The following TBC1D22A variants were observed in gnomAD, a reference collection of about 807,000 sequenced individuals.
The protein encoded by TBC1D22A is TBC1 domain family member 22A, also known as putative GTPase activator.
TBC1D22A carries 38 observed loss-of-function variants against 60.2 expected under a neutral mutation model. That is an observed-to-expected ratio of 0.63 (90% CI 0.49 to 0.83). TBC1D22A has a LOEUF of 0.83. Among genes scored for constraint, TBC1D22A ranks in the 40% least tolerant of loss-of-function variants. The probability of loss-of-function intolerance (pLI) is 0.00; values close to 1 mark genes in which losing one functional copy is unlikely to be tolerated. For missense variants in TBC1D22A, 628 were observed against 701.0 expected (o/e 0.90, Z 1.18); for synonymous variants, 302 against 281.7 (o/e 1.07, Z -0.72).
At chr22:47,129,106 C>T (rs147148182) in intron 12 of TBC1D22A, among the ~76,000 whole-genome samples, 104 of 152,240 alleles carry the variant, frequency 6.8e-4, no homozygotes, top group African/African-American at 2.4e-3. Context: ...GTTACTAGGT[C>T]CTGTCACTGA....
Position 47,124,119 on chromosome 22 carries a change from A to T in TBC1D22A, c.1425+12516A>T, listed in dbSNP as rs532815003. On this transcript the variant is annotated intron_variant, in intron 12 of 12. Transcript: ENST00000337137. ...GTCCTTGTGTGGGAGCGGCAGAGAGAGAAGGGGACTCTTGGGTCAGCGGGG... is the reference window on the plus strand; with the variant it reads ...GTCCTTGTGTGGGAGCGGCAGAGAGTGAAGGGGACTCTTGGGTCAGCGGGG... Among the ~76,000 whole-genome samples, 10 of 152,122 alleles carry T rather than the reference A, an allele frequency of 6.6e-5. No individual in the cohort carries two copies. In the South Asian group the frequency reaches 2.1e-3, roughly 32 times the overall value.
At chr22:47,066,650 A>C (rs973820779) in intron 11 of TBC1D22A, among the ~76,000 whole-genome samples, 2 of 152,204 alleles carry the variant, frequency 1.3e-5, no homozygotes, top group African/African-American at 2.4e-5. Flanking sequence ...TCTGTCCCAC[A>C]GTTCCCTGTA....
At chr22:47,112,849 C>T (rs891899505) in intron 12 of TBC1D22A, among the ~76,000 whole-genome samples, 10 of 152,212 alleles carry the variant, frequency 6.6e-5, no homozygotes, top group Non-Finnish European at 1.3e-4. Flanking sequence ...GTAGGGTGCA[C>T]CTGGCCTGCC....
intron 9 of TBC1D22A, among the ~76,000 whole-genome samples, chr22:46,985,597 T>A (rs6009082): frequency 0.019 from 2,967 of 152,318 alleles, 83 homozygotes; most frequent in African/African-American, 0.06. Flanking sequence ...AATAGTTGAT[T>A]CCTTTTAATT....
intron 4 of TBC1D22A, among the ~76,000 whole-genome samples, chr22:46,828,811 T>G (rs951699242): frequency 6.6e-6 from 1 of 152,226 alleles, no homozygotes. Flanking sequence ...GCTCTTCAGG[T>G]GAGCTGTGCA....
intron 1 of TBC1D22A, among the ~76,000 whole-genome samples, chr22:46,767,048 G>C (rs1253825755): frequency 1.3e-5 from 2 of 152,206 alleles, no homozygotes; most frequent in Non-Finnish European, 2.9e-5. Context: ...TTAGCCTGGA[G>C]AGTGAGTGGT....
intron 12 of TBC1D22A, among the ~76,000 whole-genome samples, chr22:47,166,439 A>G (rs1441762026): frequency 6.6e-6 from 1 of 152,240 alleles, no homozygotes; most frequent in Non-Finnish European, 1.5e-5. Flanking sequence ...TAAAAATTAT[A>G]AAAGAAATAG....
chr22:47,079,909 T>C (rs4823906), intron 11 of TBC1D22A, among the ~76,000 whole-genome samples: 66,599 of 152,050 alleles, frequency 0.44, 14,952 homozygotes, highest in East Asian at 0.59. Context: ...TGTAATAACA[T>C]GGATAGAAAA....
chr22:46,864,274 G>A (rs2066947672), intron 4 of TBC1D22A, among the ~76,000 whole-genome samples: 1 of 152,196 alleles, frequency 6.6e-6, no homozygotes, highest in Non-Finnish European at 1.5e-5. Context: ...AAGCTGCCAG[G>A]CAACAAGCAT....
intron 11 of TBC1D22A, among the ~76,000 whole-genome samples, chr22:47,049,295 A>G (rs2063131316): frequency 6.6e-6 from 1 of 152,164 alleles, no homozygotes; most frequent in Admixed American, 6.5e-5. Flanking sequence ...ACCTCTTGGT[A>G]CTTAATGGTT....
intron 11 of TBC1D22A, among the ~76,000 whole-genome samples, chr22:47,085,493 C>T (rs886126781): frequency 1.3e-5 from 2 of 151,986 alleles, no homozygotes; most frequent in Non-Finnish European, 2.9e-5. Context: ...TATTATTAGG[C>T]ATGGAAGGAT....
intron 10 of TBC1D22A, among the ~76,000 whole-genome samples, chr22:47,017,168 G>T (rs753108334): frequency 6.6e-6 from 1 of 152,176 alleles, no homozygotes; most frequent in Non-Finnish European, 1.5e-5. Context: ...TCCCAAGCTT[G>T]GTGCGGGAGA....
chr22:46,788,637 C>T (rs1393081197), intron 1 of TBC1D22A, among the ~76,000 whole-genome samples: 1 of 152,196 alleles, frequency 6.6e-6, no homozygotes. Flanking sequence ...CAGTGCCTGC[C>T]TCGTAGGTCC....
At position 46,997,653 on chromosome 22, in the gene TBC1D22A, A is replaced by G; in HGVS notation, c.1145A>G (p.Gln382Arg). 6.2e-7 allele frequency: 1 copy of G among 1,614,046 alleles called. No individual in the cohort carries two copies. The highest frequency in any genetic ancestry group is 8.5e-7 in the Non-Finnish European group (1 of 1,179,998). ...CCTTAGGACAACTACACCTTTGCCC[A>G]ACCTGGGATTCAAATGAAAGTGAAA... ...DGIQDNYTFA[Q>R]PGIQMKVKML... The change falls in exon 10 of 13, where the codon CAA (glutamine) becomes CGA (arginine). Residue 382 changes from glutamine (Q) to arginine (R), a missense_variant. By Grantham distance (43) the Gln-to-Arg change is conservative (BLOSUM62 1). Transcript: ENST00000337137.
At chr22:46,824,728 G>A (rs1037072190) in intron 4 of TBC1D22A, among the ~76,000 whole-genome samples, 1 of 152,088 alleles carries the variant, frequency 6.6e-6, no homozygotes, top group Non-Finnish European at 1.5e-5. Context: ...TTGAGGGGGT[G>A]TATTTTAAAG....
chr22:46,989,298 CT>C (rs531811048), intron 9 of TBC1D22A, among the ~76,000 whole-genome samples: 104 of 152,170 alleles, frequency 6.8e-4, no homozygotes, highest in Middle Eastern at 6.8e-3. Flanking sequence ...TGGAGTAACA[CT>C]TTTAATTTCC....
chr22:46,777,582 T>C lies in TBC1D22A; in HGVS notation c.62+14734T>C, dbSNP rs762048450. On this transcript the variant is annotated intron_variant, in intron 1 of 12. Transcript: ENST00000337137. This position sits in a 1 kb window ranked among gnomAD's most constrained non-coding sequence, Gnocchi z 4.5. ...GGAAGGAGGACTGAGGACTCGGCTT[T>C]GGGGAGCAGAGTTGGGAACACACAG... 6.6e-6 allele frequency among the ~76,000 whole-genome samples: 1 copy of C among 152,048 alleles called. No individual in the cohort carries two copies. The highest frequency in any genetic ancestry group is 1.5e-5 in the Non-Finnish European group (1 of 68,014).
At chr22:46,869,041 T>C (rs967628293) in intron 4 of TBC1D22A, among the ~76,000 whole-genome samples, 3 of 152,218 alleles carry the variant, frequency 2.0e-5, no homozygotes, top group African/African-American at 7.2e-5. Context: ...CAGGCTGTTA[T>C]CTGCGCCGCT....
At chr22:46,945,454 G>GTT (rs1438075281) in intron 8 of TBC1D22A, among the ~76,000 whole-genome samples, 1 of 152,160 alleles carries the variant, frequency 6.6e-6, no homozygotes, top group Admixed American at 6.5e-5. Flanking sequence ...AGATGATGCT[G>GTT]TTATCACCCC....
Sources: allele counts gnomAD v4.1 joint callset (sites outside exome capture counted in the v4.1 genomes callset), GRCh38; gene constraint gnomAD v4.1.1; non-coding constraint Gnocchi (gnomAD v3.1); transcripts MANE v1.5; gene names NCBI Gene and HGNC (gene_info 2026-07-23, HGNC 2026-07-21).